The following MIS18A variants were observed in gnomAD, a reference collection of about 807,000 sequenced individuals.
MIS18A encodes MIS18 kinetochore protein A.
Under a neutral mutation model 25.0 loss-of-function variants are expected in MIS18A, and 14 were observed. That is an observed-to-expected ratio of 0.56 (90% CI 0.37 to 0.88). The LOEUF is 0.88. Among genes scored for constraint, MIS18A ranks in the 40% least tolerant of loss-of-function variants. MIS18A has a pLI of 0.00. For synonymous variants in MIS18A, 134 were observed against 118.6 expected, an observed-to-expected ratio of 1.13 and a Z score of -0.84; for missense variants, 292 against 290.8, an observed-to-expected ratio of 1.00 and a Z score of -0.03.
chr21:32,265,072 G>A (rs1017024433), downstream of MIS18A, among the ~76,000 whole-genome samples: 4 of 152,216 alleles, frequency 2.6e-5, no homozygotes, highest in African/African-American at 9.6e-5. Flanking sequence ...AATGGCCGAA[G>A]GAGTAACTTC....
chr21:32,172,761 C>T, the MIS18A span, among the ~76,000 whole-genome samples: 1 of 151,980 alleles, frequency 6.6e-6, no homozygotes, highest in African/African-American at 2.4e-5. Flanking sequence ...TAAGGATAGA[C>T]CAAAATATCA....
chr21:32,182,607 T>C, the MIS18A span, among the ~76,000 whole-genome samples: 5 of 152,174 alleles, frequency 3.3e-5, no homozygotes, highest in African/African-American at 4.8e-5. Context: ...GGTCCACACA[T>C]AGCTTTCCAC....
chr21:32,264,983 T>G (rs2031565540), downstream of MIS18A, among the ~76,000 whole-genome samples: 1 of 152,142 alleles, frequency 6.6e-6, no homozygotes, highest in Admixed American at 6.5e-5. Context: ...GTTACAACAA[T>G]CTTTAAAGGC....
At chr21:32,270,038 C>T (rs886451025) in intron 3 of MIS18A, among the ~76,000 whole-genome samples, 3 of 152,048 alleles carry the variant, frequency 2.0e-5, no homozygotes, top group Admixed American at 2.0e-4. Context: ...CACAGCACTG[C>T]ACTCCAGCCT....
downstream of MIS18A, among the ~76,000 whole-genome samples, chr21:32,265,892 C>T (rs369797713): frequency 6.6e-6 from 1 of 151,918 alleles, no homozygotes; most frequent in African/African-American, 2.4e-5. Context: ...TGTGAGTGCA[C>T]CAATCGGCAC....
chr21:32,219,944 G>A, the MIS18A span, among the ~76,000 whole-genome samples: 1 of 152,206 alleles, frequency 6.6e-6, no homozygotes, highest in African/African-American at 2.4e-5. Flanking sequence ...TCTCTGGGCA[G>A]GGCATCTCTG....
At chr21:32,196,459 C>A in the MIS18A span, among the ~76,000 whole-genome samples, 13 of 131,012 alleles carry the variant, frequency 9.9e-5, no homozygotes, top group East Asian at 2.7e-3. Flanking sequence ...GAGCTAATGT[C>A]TTTTTTTTTT....
At chr21:32,160,886 C>T in the MIS18A span, among the ~76,000 whole-genome samples, 1 of 152,196 alleles carries the variant, frequency 6.6e-6, no homozygotes, top group Non-Finnish European at 1.5e-5. Flanking sequence ...CTGCCTCAGC[C>T]TCCCAAAGTG....
chr21:32,278,607 C>T (rs750875395), intron 1 of MIS18A, 74 bp downstream of exon 1: 96 of 1,410,594 alleles, frequency 6.8e-5, no homozygotes, highest in Non-Finnish European at 8.9e-5. Flanking sequence ...CCGCCTCCTC[C>T]CGGGCCGCCC....
At chr21:32,273,119 T>TTC (rs2031744152) in intron 2 of MIS18A, among the ~76,000 whole-genome samples, 1 of 151,770 alleles carries the variant, frequency 6.6e-6, no homozygotes, top group African/African-American at 2.4e-5. Context: ...TTTTTTCTTT[T>TTC]TTTTTTTTTT....
intron 2 of MIS18A, among the ~76,000 whole-genome samples, chr21:32,274,408 T>C (rs950557914): frequency 1.3e-5 from 2 of 152,078 alleles, no homozygotes; most frequent in African/African-American, 4.8e-5. Context: ...TTTTGCCATG[T>C]TGGCCAGGCT....
chr21:32,199,770 C>T, the MIS18A span, among the ~76,000 whole-genome samples: 2 of 152,126 alleles, frequency 1.3e-5, no homozygotes, highest in Non-Finnish European at 2.9e-5. Context: ...ATCACTACTG[C>T]ACTCCAGCCT....
the MIS18A span, among the ~76,000 whole-genome samples, chr21:32,211,979 A>T: frequency 1.3e-5 from 2 of 152,142 alleles, no homozygotes; most frequent in African/African-American, 4.8e-5. Context: ...TTTTGATGCA[A>T]TGAATGCATT....
the MIS18A span, among the ~76,000 whole-genome samples, chr21:32,194,616 G>A: frequency 6.6e-6 from 1 of 151,650 alleles, no homozygotes; most frequent in Non-Finnish European, 1.5e-5. Flanking sequence ...CCAAGATCGT[G>A]CCATTGCACT....
the MIS18A span, among the ~76,000 whole-genome samples, chr21:32,252,421 A>G: frequency 1.3e-5 from 2 of 151,172 alleles, no homozygotes; most frequent in Admixed American, 1.3e-4. Flanking sequence ...AAGAAGAAGG[A>G]AGAGGAGGAG....
At chr21:32,168,255 G>GT in the MIS18A span, among the ~76,000 whole-genome samples, 3 of 152,170 alleles carry the variant, frequency 2.0e-5, 1 homozygote, top group Admixed American at 2.0e-4. Flanking sequence ...AATGTCTGTT[G>GT]TTTAAGCCAC....
At chr21:32,267,611 A>G (rs2031629067), downstream of MIS18A, among the ~76,000 whole-genome samples, 1 of 152,196 alleles carries the variant, frequency 6.6e-6, no homozygotes, top group Non-Finnish European at 1.5e-5. Context: ...ATGGCTTTGG[A>G]ATGGAATCTG....
chr21:32,204,899 A>G, the MIS18A span, among the ~76,000 whole-genome samples: 1 of 152,228 alleles, frequency 6.6e-6, no homozygotes, highest in African/African-American at 2.4e-5. Flanking sequence ...ACAAACAAAC[A>G]TGTAATTTAA....
the MIS18A span, among the ~76,000 whole-genome samples, chr21:32,172,297 C>T: frequency 1.3e-5 from 2 of 152,006 alleles, no homozygotes; most frequent in Non-Finnish European, 1.5e-5. Context: ...TGGGCATATA[C>T]CCAAAGGAAA....
Sources: allele counts gnomAD v4.1 joint callset (sites outside exome capture counted in the v4.1 genomes callset), GRCh38; gene constraint gnomAD v4.1.1; transcripts MANE v1.5; gene names NCBI Gene and HGNC (gene_info 2026-07-23, HGNC 2026-07-21).